Variants in NOC3L observed in about 807,000 individuals in gnomAD.
The protein encoded by NOC3L is NOC3 like DNA replication regulator, also known as nucleolar complex protein 3 homolog.
Under a neutral mutation model 102.5 loss-of-function variants are expected in NOC3L, and 85 were observed. The observed-to-expected ratio is 0.83, with a 90% CI of 0.70 to 0.99. The LOEUF is 0.99. Ranked by LOEUF, NOC3L falls within the 50% of genes least tolerant of loss-of-function variation. The probability of loss-of-function intolerance (pLI) is 0.00; values close to 1 mark genes in which losing one functional copy is unlikely to be tolerated. For missense variants in NOC3L, 878 were observed against 914.9 expected (o/e 0.96, Z 0.52); for synonymous variants, 303 against 309.4 (o/e 0.98, Z 0.22).
chr10:94,345,121 T>C (rs1428907766), intron 11 of NOC3L, among the ~76,000 whole-genome samples, 188 bp from the exon 12 acceptor site: 1 of 152,130 alleles, frequency 6.6e-6, no homozygotes, highest in Non-Finnish European at 1.5e-5. Context: ...TGGTGTCTCC[T>C]GGGAAGAAGG....
chr10:94,321,629 G>GA, the NOC3L span, among the ~76,000 whole-genome samples: 15,108 of 104,456 alleles, frequency 0.14, 931 homozygotes, highest in East Asian at 0.28. Context: ...CTCCATCTCA[G>GA]AAAAAAAAAA....
At chr10:94,349,459 G>A (rs1445537930) in intron 9 of NOC3L, 81 bp from the exon 10 acceptor site, 1 of 1,283,188 alleles carries the variant, frequency 7.8e-7, no homozygotes, top group East Asian at 2.5e-5. Flanking sequence ...ATTCTTTGTT[G>A]TAGGGGGACT....
chr10:94,316,365 A>G, the NOC3L span, among the ~76,000 whole-genome samples: 2 of 152,214 alleles, frequency 1.3e-5, no homozygotes, highest in East Asian at 3.8e-4. Flanking sequence ...CGTTGCCCGG[A>G]GTGAACATAA....
At chr10:94,348,381 A>C (rs1209319934) in intron 10 of NOC3L, among the ~76,000 whole-genome samples, 1 of 152,006 alleles carries the variant, frequency 6.6e-6, no homozygotes, top group Non-Finnish European at 1.5e-5. Flanking sequence ...AAAAGAGAAC[A>C]ATCTGCAACC....
chr10:94,322,481 T>C, the NOC3L span, among the ~76,000 whole-genome samples: 1 of 152,010 alleles, frequency 6.6e-6, no homozygotes, highest in African/African-American at 2.4e-5. Context: ...CAAAACCCTG[T>C]CTTTACAAAA....
chr10:94,316,835 A>T, the NOC3L span: 1 of 1,070,230 alleles, frequency 9.3e-7, no homozygotes, highest in Non-Finnish European at 1.4e-6. Flanking sequence ...CCTCCCTGAA[A>T]TTCAGAATTT....
In NOC3L at chr10:94,338,626, C is replaced by T. The variant is rs2054247909; in HGVS notation, c.2073G>A (p.Trp691Ter). 1 of 1,585,716 alleles carries T rather than the reference C, an allele frequency of 6.3e-7. No homozygotes were observed. Among genetic ancestry groups the T allele is most frequent in the South Asian group, 1.2e-5 (1 of 85,644 alleles). ...CTCTTACCCGCAGAGCATGCAGTTC[C>T]CACAGAGCAGTGTTCTGAGCATTGC... ...EYCNAQNTAL[W>*]ELHALRRHYH... The change falls in exon 18 of 21, where the codon TGG becomes TGA. Residue 691 changes from tryptophan (W) to a stop codon, truncating the protein, a stop_gained. Coordinates refer to ENST00000371361, the MANE Select transcript of NOC3L (RefSeq NM_022451.11). LOFTEE classifies it high-confidence loss of function.
chr10:94,344,645 T>C, intron 12 of NOC3L, 130 bp from the exon 13 acceptor site: 1 of 705,546 alleles, frequency 1.4e-6, no homozygotes, highest in East Asian at 2.7e-5. Flanking sequence ...ATCTTTGAAA[T>C]TTTTAACAAA....
chr10:94,319,694 A>G, the NOC3L span, among the ~76,000 whole-genome samples: 1 of 152,168 alleles, frequency 6.6e-6, no homozygotes, highest in Non-Finnish European at 1.5e-5. Flanking sequence ...TGACTCAAAG[A>G]AATGATCATG....
the NOC3L span, among the ~76,000 whole-genome samples, chr10:94,317,250 G>C: frequency 6.6e-6 from 1 of 151,420 alleles, no homozygotes; most frequent in Non-Finnish European, 1.5e-5. Context: ...ACAAGACTCT[G>C]TCTCAAAAAA....
chr10:94,321,084 T>G, the NOC3L span, among the ~76,000 whole-genome samples: 1 of 152,128 alleles, frequency 6.6e-6, no homozygotes, highest in Non-Finnish European at 1.5e-5. Context: ...TACTGTGAAT[T>G]TTGTCAAAAT....
the NOC3L span, among the ~76,000 whole-genome samples, chr10:94,318,404 TA>T: frequency 6.6e-6 from 1 of 152,242 alleles, no homozygotes; most frequent in Non-Finnish European, 1.5e-5. Flanking sequence ...AGTAAATTTG[TA>T]AACCTCATAC....
the NOC3L span, chr10:94,315,199 G>A: frequency 3.0e-6 from 1 of 333,114 alleles, no homozygotes; most frequent in Non-Finnish European, 5.9e-6. Flanking sequence ...ACCAAGGGCT[G>A]GGGTGGAGAG....
downstream of NOC3L, chr10:94,329,091 T>A (rs2054127013): frequency 6.6e-6 from 1 of 152,196 alleles, no homozygotes; most frequent in Non-Finnish European, 1.5e-5. Flanking sequence ...GACAAACTTC[T>A]AAAAAGAAAA....
chr10:94,331,953 C>T (rs1200789574), downstream of NOC3L: 3 of 151,190 alleles, frequency 2.0e-5, no homozygotes, highest in Non-Finnish European at 2.9e-5. Context: ...CTCACCACAA[C>T]CTCCACCTCC....
Position 94,338,631 on chromosome 10 carries a change from G to A in NOC3L, c.2068C>T (p.Leu690=), listed in dbSNP as rs938866977. 2 of 1,596,258 alleles carry A rather than the reference G, an allele frequency of 1.3e-6. No individual in the cohort carries two copies. The highest frequency in any genetic ancestry group is 1.7e-6 in the Non-Finnish European group (2 of 1,169,124). Residue 690 remains leucine, a synonymous_variant, in exon 18 of 21, where the codon CTG becomes TTG. Transcript: ENST00000371361. ...PEYCNAQNTA[L]WELHALRRHY... is the part of the protein sequence containing the mutation. ...ACCCGCAGAGCATGCAGTTCCCACAGAGCAGTGTTCTGAGCATTGCAGTAC... is the reference window on the plus strand; with the variant it reads ...ACCCGCAGAGCATGCAGTTCCCACAAAGCAGTGTTCTGAGCATTGCAGTAC...
In NOC3L at chr10:94,346,472, T is replaced by G; in HGVS notation, c.1342A>C (p.Met448Leu). The change falls in exon 11 of 21, where the codon ATG (methionine) becomes CTG (leucine). Residue 448 changes from methionine (M) to leucine (L), a missense_variant. Met to Leu is a conservative substitution (Grantham distance 15, BLOSUM62 2). Transcript: ENST00000371361. ...GATTTTCTCTTTTCTTTGAAAGTCATAAATTTTTTTGGTTTATTAATGTCT... is the reference window on the plus strand; with the variant it reads ...GATTTTCTCTTTTCTTTGAAAGTCAGAAATTTTTTTGGTTTATTAATGTCT... ...TEDINKPKKFMTFKEKRKSLS... is the reference protein window; with the variant it reads ...TEDINKPKKFLTFKEKRKSLS... The G allele has an allele frequency of 6.6e-7, 1 of 1,516,144 alleles. No homozygotes were observed. The highest frequency in any genetic ancestry group is 8.9e-7 in the Non-Finnish European group (1 of 1,128,450). 93.9% of individuals were successfully genotyped at this position (1,516,144 alleles called of 1,614,324 possible). A position where few individuals can be genotyped will look rare whatever the true frequency, so the allele number is the denominator to read the frequency against.
intron 20 of NOC3L, 90 bp downstream of exon 20, chr10:94,334,544 C>A: frequency 1.1e-6 from 1 of 928,604 alleles, no homozygotes; most frequent in Admixed American, 2.4e-5. Context: ...AAAAAACTAC[C>A]TATAAAATAA....
intron 16 of NOC3L, 61 bp from the exon 17 acceptor site, chr10:94,339,981 C>A: frequency 7.1e-7 from 1 of 1,417,864 alleles, no homozygotes; most frequent in Non-Finnish European, 9.7e-7. Flanking sequence ...CGCAACTGGA[C>A]TGAACTTCAG....
Sources: allele counts gnomAD v4.1 joint callset (sites outside exome capture counted in the v4.1 genomes callset), GRCh38; gene constraint gnomAD v4.1.1; transcripts MANE v1.5; gene names NCBI Gene and HGNC (gene_info 2026-07-23, HGNC 2026-07-21).